ADGRB3: variants seen among roughly 807,000 people sequenced by gnomAD.
ADGRB3 encodes the protein brain-specific angiogenesis inhibitor 3.
Under a neutral mutation model 193.4 loss-of-function variants are expected in ADGRB3, and 37 were observed. The observed-to-expected ratio is 0.19, with a 90% confidence interval of 0.15 to 0.25. The LOEUF is 0.25. ADGRB3 is among the 10% of genes least tolerant of loss of function. The pLI is 1.00. For synonymous variants in ADGRB3, 690 were observed against 644.2 expected (o/e 1.07, Z -1.08); for missense variants, 1,637 against 1,852.9 (o/e 0.88, Z 2.14).
chr6:68,824,220 C>G (rs982032511), intron 3 of ADGRB3, among the ~76,000 whole-genome samples: 19 of 69,850 alleles, frequency 2.7e-4, no homozygotes, highest in Non-Finnish European at 4.2e-4. Context: ...GTCTCTTAAA[C>G]TTTTATTTCT....
intron 17 of ADGRB3, among the ~76,000 whole-genome samples, chr6:69,087,331 A>G (rs1772579462): frequency 6.6e-6 from 1 of 152,194 alleles, no homozygotes; most frequent in Non-Finnish European, 1.5e-5. Context: ...CTGATAATCC[A>G]AACAGCTTTG....
intron 8 of ADGRB3, among the ~76,000 whole-genome samples, chr6:68,958,815 C>A (rs530892008): frequency 2.0e-5 from 3 of 151,328 alleles, no homozygotes; most frequent in South Asian, 2.1e-4. Context: ...AAAAAGAATT[C>A]TTGAATCAGC....
At chr6:69,025,930 A>G (rs1396111238) in intron 13 of ADGRB3, among the ~76,000 whole-genome samples, 4 of 152,206 alleles carry the variant, frequency 2.6e-5, no homozygotes, top group Non-Finnish European at 5.9e-5. Context: ...AGCAAACAAG[A>G]CAAACTGCCC....
Position 68,943,989 on chromosome 6 carries a change from G to C in ADGRB3, c.1190G>C (p.Cys397Ser). 2 of 1,600,098 alleles carry C rather than the reference G, an allele frequency of 1.2e-6. No individual in the cohort carries two copies. Among genetic ancestry groups the C allele is most frequent in the Non-Finnish European group, 1.7e-6 (2 of 1,170,426 alleles). ...THHKPCNIAL[C>S]PVDGQWQEWS... ...CATAAGCCTTGTAATATTGCTCTTT[G>C]CCCAGGTGAGCCTATTCTGCATTTG... The change falls in exon 6 of 32, where the codon TGC (cysteine) becomes TCC (serine). Residue 397 changes from cysteine (C) to serine (S), a missense_variant. Transcript: ENST00000370598.
intron 7 of ADGRB3, 86 bp from the exon 8 acceptor site, chr6:68,956,559 A>T (rs1768081949): frequency 6.7e-7 from 1 of 1,493,784 alleles, no homozygotes; most frequent in Non-Finnish European, 9.2e-7. Context: ...ACAAAAATGG[A>T]AGGGGTAGTA....
intron 10 of ADGRB3, among the ~76,000 whole-genome samples, chr6:68,976,881 T>C (rs372969012): frequency 5.7e-4 from 86 of 151,988 alleles, no homozygotes; most frequent in Middle Eastern, 6.9e-3. Context: ...ATAGCAGTAA[T>C]TGATGATTAT....
chr6:68,683,915 C>A (rs1764938762), intron 3 of ADGRB3, among the ~76,000 whole-genome samples: 1 of 152,124 alleles, frequency 6.6e-6, no homozygotes, highest in Non-Finnish European at 1.5e-5. Flanking sequence ...ATAGGACTAC[C>A]TACACTATGT....
intron 3 of ADGRB3, among the ~76,000 whole-genome samples, chr6:68,698,468 G>T (rs1457695179): frequency 6.6e-6 from 1 of 151,922 alleles, no homozygotes; most frequent in South Asian, 2.1e-4. Flanking sequence ...TCTTAGGAAG[G>T]TTCGTGTATT....
chr6:69,359,484 TAAGATA>T (rs56163107), intron 28 of ADGRB3, among the ~76,000 whole-genome samples: 25,374 of 151,584 alleles, frequency 0.17, 2,442 homozygotes, highest in African/African-American at 0.27. Context: ...TTTTACTGCC[TAAGATA>T]AAGAGACAAT....
chr6:69,308,485 G>T (rs1340986882), intron 20 of ADGRB3, among the ~76,000 whole-genome samples: 1 of 149,716 alleles, frequency 6.7e-6, no homozygotes, highest in African/African-American at 2.5e-5. Context: ...TATTCCAGTT[G>T]GTTCGTACTT....
At chr6:69,182,464 G>T (rs931235580) in intron 17 of ADGRB3, among the ~76,000 whole-genome samples, 1 of 151,142 alleles carries the variant, frequency 6.6e-6, no homozygotes, top group Non-Finnish European at 1.5e-5. Context: ...TGCTACTTCT[G>T]AGGAACCTAG....
At chr6:68,829,090 A>C (rs1459615404) in intron 3 of ADGRB3, among the ~76,000 whole-genome samples, 1 of 101,480 alleles carries the variant, frequency 9.9e-6, no homozygotes, top group Admixed American at 1.2e-4. Context: ...TGTTTAAGTA[A>C]CTTTTTTTTT....
At chr6:68,728,541 A>C (rs1765715717) in intron 3 of ADGRB3, among the ~76,000 whole-genome samples, 1 of 151,552 alleles carries the variant, frequency 6.6e-6, no homozygotes, top group Non-Finnish European at 1.5e-5. Context: ...TTTTTCTGGC[A>C]CTGTTTTCTA....
chr6:68,667,018 G>A (rs1768817967), intron 3 of ADGRB3, among the ~76,000 whole-genome samples: 1 of 151,746 alleles, frequency 6.6e-6, no homozygotes, highest in Admixed American at 6.6e-5. Flanking sequence ...TTGTCATTCA[G>A]TAGTTGTAAT....
At chr6:68,731,691 T>G (rs1285784917) in intron 3 of ADGRB3, among the ~76,000 whole-genome samples, 1 of 151,624 alleles carries the variant, frequency 6.6e-6, no homozygotes, top group Non-Finnish European at 1.5e-5. Context: ...AAAATATTTT[T>G]ACTCATAATA....
chr6:69,172,386 G>A (rs1227149772), intron 17 of ADGRB3, among the ~76,000 whole-genome samples: 2 of 151,918 alleles, frequency 1.3e-5, no homozygotes, highest in Admixed American at 6.6e-5. Flanking sequence ...GCTCACGCCT[G>A]TAATCCCAGC....
chr6:69,173,842 T>C (rs1013438802), intron 17 of ADGRB3, among the ~76,000 whole-genome samples: 1 of 152,104 alleles, frequency 6.6e-6, no homozygotes, highest in Admixed American at 6.5e-5. Context: ...AATGAAACAA[T>C]GATGGGAGCA....
chr6:68,671,912 G>A (rs1185676414), intron 3 of ADGRB3, among the ~76,000 whole-genome samples: 1 of 151,940 alleles, frequency 6.6e-6, no homozygotes, highest in African/African-American at 2.4e-5. Flanking sequence ...TCTTTACTGG[G>A]AGATTTTTAA....
At chr6:68,693,034 A>G (rs1357007968) in intron 3 of ADGRB3, among the ~76,000 whole-genome samples, 4 of 151,670 alleles carry the variant, frequency 2.6e-5, no homozygotes, top group African/African-American at 9.7e-5. Flanking sequence ...AATACAAATT[A>G]TATTTTGATT....
Sources: gnomAD v4.1 joint callset for allele counts (sites outside exome capture counted in the v4.1 genomes callset) on GRCh38, gnomAD v4.1.1 for gene constraint, MANE v1.5 for transcripts, NCBI Gene and HGNC (gene_info 2026-07-23, HGNC 2026-07-21) for gene names.